The following SUGCT variants were observed in gnomAD, a reference collection of about 807,000 sequenced individuals.
The protein encoded by SUGCT is succinyl-CoA:glutarate CoA-transferase.
A neutral mutation model predicts 55.0 loss-of-function variants in SUGCT; 41 were observed. That is an observed-to-expected ratio of 0.74 (90% CI 0.58 to 0.97). The LOEUF is 0.97. Ranked by LOEUF, SUGCT falls within the 50% of genes least tolerant of loss-of-function variation. The pLI, the probability that SUGCT is intolerant of heterozygous loss-of-function variation, is 0.00. For synonymous variants in SUGCT, 187 were observed against 200.4 expected (o/e 0.93, Z 0.56); for missense variants, 568 against 547.8 (o/e 1.04, Z -0.37).
intron 13 of SUGCT, among the ~76,000 whole-genome samples, chr7:40,762,026 G>T (rs1329731081): frequency 6.6e-6 from 1 of 152,210 alleles, no homozygotes; most frequent in African/African-American, 2.4e-5. Flanking sequence ...CCAGTGGGGG[G>T]CGGTGATTTC....
At chr7:40,994,917 G>T in the SUGCT span, among the ~76,000 whole-genome samples, 3 of 152,104 alleles carry the variant, frequency 2.0e-5, no homozygotes, top group Non-Finnish European at 4.4e-5. Flanking sequence ...ATGATAGTAA[G>T]CTCCTTGAGG....
At chr7:40,992,915 A>G in the SUGCT span, among the ~76,000 whole-genome samples, 4 of 152,208 alleles carry the variant, frequency 2.6e-5, no homozygotes, top group South Asian at 8.3e-4. Flanking sequence ...GACTGTGGAC[A>G]CAGACACAGT....
At chr7:40,789,800 A>G (rs1790216802) in intron 13 of SUGCT, among the ~76,000 whole-genome samples, 3 of 152,206 alleles carry the variant, frequency 2.0e-5, no homozygotes, top group Non-Finnish European at 4.4e-5. Flanking sequence ...AAAGCACTGC[A>G]TTAGGTTTTG....
intron 13 of SUGCT, among the ~76,000 whole-genome samples, chr7:40,847,743 G>C (rs1476525138): frequency 3.3e-5 from 5 of 151,898 alleles, no homozygotes; most frequent in Admixed American, 3.3e-4. Flanking sequence ...AATTCATTGG[G>C]CTCACACAGT....
chr7:41,009,902 A>G, the SUGCT span, among the ~76,000 whole-genome samples: 2 of 152,244 alleles, frequency 1.3e-5, no homozygotes, highest in African/African-American at 4.8e-5. Flanking sequence ...CTCTTCGATG[A>G]TATTTCCCCA....
At chr7:41,012,320 T>G in the SUGCT span, among the ~76,000 whole-genome samples, 1 of 152,180 alleles carries the variant, frequency 6.6e-6, no homozygotes, top group East Asian at 1.9e-4. Flanking sequence ...ATTTAACCTC[T>G]GTGAAGAGCC....
chr7:40,476,974 C>T (rs1442097817), intron 11 of SUGCT, among the ~76,000 whole-genome samples: 2 of 152,216 alleles, frequency 1.3e-5, no homozygotes, highest in East Asian at 3.9e-4. Flanking sequence ...CCACTGCGCC[C>T]AGCCAAATGT....
chr7:40,604,349 T>C (rs1174993463), intron 12 of SUGCT, among the ~76,000 whole-genome samples: 4 of 152,144 alleles, frequency 2.6e-5, no homozygotes, highest in African/African-American at 7.2e-5. Context: ...ATCTGCTTGG[T>C]TTATTTTGTA....
At chr7:40,639,470 T>A (rs1302251417) in intron 12 of SUGCT, among the ~76,000 whole-genome samples, 1 of 152,114 alleles carries the variant, frequency 6.6e-6, no homozygotes, top group Non-Finnish European at 1.5e-5. Flanking sequence ...GATTTTCAAT[T>A]TATTTGCTTG....
At position 40,237,629 on chromosome 7, in the gene SUGCT, T is replaced by C. The variant is rs76667176; in HGVS notation, c.485-6T>C. Reference sequence around the variant, plus strand: ...GTGCTGAATATGTTTATTTTTGTTGTTTTAGGGTATGGTCAGACAGGTCCA... The same window carrying C: ...GTGCTGAATATGTTTATTTTTGTTGCTTTAGGGTATGGTCAGACAGGTCCA... On this transcript the variant is annotated splice_polypyrimidine_tract_variant and splice_region_variant and intron_variant, in intron 6 of 13. Transcript: ENST00000335693. The C allele has an allele frequency of 0.032, 51,649 of 1,612,812 alleles. 1,769 individuals are homozygous for C. Among genetic ancestry groups the C allele is most frequent in the African/African-American group, 0.17 (12,963 of 74,904 alleles).
chr7:40,433,027 A>G (rs1488296086), intron 9 of SUGCT, among the ~76,000 whole-genome samples: 1 of 151,674 alleles, frequency 6.6e-6, no homozygotes, highest in Non-Finnish European at 1.5e-5. Context: ...TGATGTGATA[A>G]TTTACAATGA....
intron 9 of SUGCT, among the ~76,000 whole-genome samples, chr7:40,373,444 T>C (rs1784399010): frequency 7.3e-6 from 1 of 136,650 alleles, no homozygotes; most frequent in Non-Finnish European, 1.6e-5. Flanking sequence ...GAACAGCATT[T>C]TAAGATTTAG....
At chr7:40,543,481 G>T (rs1054055596) in intron 12 of SUGCT, among the ~76,000 whole-genome samples, 2 of 152,146 alleles carry the variant, frequency 1.3e-5, no homozygotes, top group Non-Finnish European at 2.9e-5. Context: ...AGACTCTGCC[G>T]TACATCTGTT....
chr7:40,589,713 A>G (rs1437292387), intron 12 of SUGCT, among the ~76,000 whole-genome samples: 1 of 152,168 alleles, frequency 6.6e-6, no homozygotes, highest in Non-Finnish European at 1.5e-5. Context: ...ATTTACTCTT[A>G]ATTGTGTTAT....
At chr7:40,964,760 A>G in the SUGCT span, 239 of 152,336 alleles carry the variant, frequency 1.6e-3, 1 homozygote, top group African/African-American at 5.6e-3. Context: ...CTCAGAGCCT[A>G]ACTCTGTGGG....
chr7:40,536,337 A>G (rs1437413998), intron 12 of SUGCT, among the ~76,000 whole-genome samples: 2 of 152,236 alleles, frequency 1.3e-5, no homozygotes, highest in African/African-American at 2.4e-5. Context: ...GGGATACCTT[A>G]TGCTCTGAGA....
chr7:40,599,954 G>T (rs1358017820), intron 12 of SUGCT, among the ~76,000 whole-genome samples: 1 of 152,176 alleles, frequency 6.6e-6, no homozygotes. Context: ...TTCTCATTGT[G>T]AGGAGGCTGC....
chr7:40,622,276 G>T (rs1335189251), intron 12 of SUGCT, among the ~76,000 whole-genome samples: 1 of 152,092 alleles, frequency 6.6e-6, no homozygotes, highest in Non-Finnish European at 1.5e-5. Context: ...TTACAACAGG[G>T]CTTCTCATAC....
intron 12 of SUGCT, among the ~76,000 whole-genome samples, chr7:40,690,573 A>AT (rs965740452): frequency 5.7e-4 from 84 of 146,382 alleles, no homozygotes; most frequent in Middle Eastern, 3.5e-3. Context: ...CATCCCTATA[A>AT]TTTTTTTTTT....
Sources: allele counts gnomAD v4.1 joint callset (sites outside exome capture counted in the v4.1 genomes callset), GRCh38; gene constraint gnomAD v4.1.1; transcripts MANE v1.5; gene names NCBI Gene and HGNC (gene_info 2026-07-23, HGNC 2026-07-21).